The following GALK2 variants were observed in gnomAD, a reference collection of about 807,000 sequenced individuals.
GALK2 encodes the protein N-acetylgalactosamine kinase.
GALK2 carries 36 observed loss-of-function variants against 52.4 expected under a neutral mutation model. That is an observed-to-expected ratio of 0.69 (90% CI 0.53 to 0.91). GALK2 has a LOEUF of 0.91. Among genes scored for constraint, GALK2 ranks in the 40% least tolerant of loss-of-function variants. The pLI is 0.00. For missense variants in GALK2, 579 were observed against 559.1 expected (o/e 1.04, Z -0.36); for synonymous variants, 176 against 199.1 (o/e 0.88, Z 0.98).
intron 8 of GALK2, among the ~76,000 whole-genome samples, chr15:49,310,096 A>G (rs894201323): frequency 6.6e-6 from 1 of 152,040 alleles, no homozygotes; most frequent in Non-Finnish European, 1.5e-5. Context: ...CCATGAGCTC[A>G]GTTATTTTTA....
intron 7 of GALK2, among the ~76,000 whole-genome samples, chr15:49,285,337 C>CT (rs2033224640): frequency 6.6e-6 from 1 of 151,916 alleles, no homozygotes; most frequent in African/African-American, 2.4e-5. Context: ...GTTGCTATTT[C>CT]TTTTTAGTTT....
chr15:49,345,188 T>G (rs2041287282), intron 3 of GALK2, among the ~76,000 whole-genome samples: 1 of 152,242 alleles, frequency 6.6e-6, no homozygotes, highest in Non-Finnish European at 1.5e-5. Flanking sequence ...ACTTGTACAT[T>G]TATTATATAC....
intron 6 of GALK2, among the ~76,000 whole-genome samples, chr15:49,283,023 C>T (rs2032912969): frequency 6.6e-6 from 1 of 152,160 alleles, no homozygotes; most frequent in South Asian, 2.1e-4. Context: ...TCTATCCTAA[C>T]CTCTCACCAC....
intron 1 of GALK2, among the ~76,000 whole-genome samples, chr15:49,172,713 A>G (rs534306861): frequency 7.2e-5 from 11 of 152,330 alleles, no homozygotes; most frequent in South Asian, 4.1e-4. Context: ...TAAAAATCAA[A>G]TAGAAATTGA....
At chr15:49,338,692 G>A (rs2040198075) in intron 3 of GALK2, among the ~76,000 whole-genome samples, 1 of 152,160 alleles carries the variant, frequency 6.6e-6, no homozygotes, top group South Asian at 2.1e-4. Flanking sequence ...GGTTGGGGAA[G>A]TTCTCCTGGA....
At chr15:49,231,104 T>A (rs2090477526) in intron 3 of GALK2, among the ~76,000 whole-genome samples, 1 of 152,140 alleles carries the variant, frequency 6.6e-6, no homozygotes, top group Non-Finnish European at 1.5e-5. Flanking sequence ...TATAAAGAAA[T>A]ACCTGAGACT....
intron 1 of GALK2, among the ~76,000 whole-genome samples, chr15:49,181,315 C>T (rs372689861): frequency 8.6e-4 from 131 of 151,502 alleles, no homozygotes; most frequent in African/African-American, 3.0e-3. Flanking sequence ...TGCCTTGTTG[C>T]CCAGGCTGGT....
At chr15:49,196,324 T>C (rs1005542819) in intron 1 of GALK2, among the ~76,000 whole-genome samples, 9 of 152,280 alleles carry the variant, frequency 5.9e-5, no homozygotes, top group Admixed American at 5.9e-4. Flanking sequence ...AGTAGAGCTT[T>C]TAATGTTATC....
intron 3 of GALK2, among the ~76,000 whole-genome samples, chr15:49,341,223 C>T (rs2040683827): frequency 6.6e-6 from 1 of 151,958 alleles, no homozygotes; most frequent in African/African-American, 2.4e-5. Flanking sequence ...GTTCTTTTTG[C>T]TTAGGATTTT....
rs1347140534 is a variant in GALK2, at chr15:49,299,735, T to TTTCTTTCTTTCTTTCTTTCC, written c.967+7200_967+7201insCTTTCTTTCTTTCTTTCCTT. Among the ~76,000 whole-genome samples the TTTCTTTCTTTCTTTCTTTCC allele has an allele frequency of 1.7e-3, 128 of 77,574 alleles. 2 individuals carry two copies. The highest frequency in any genetic ancestry group is 7.1e-3 in the African/African-American group (128 of 18,056). 50.9% of individuals were successfully genotyped at this position (77,574 alleles called of 152,430 possible). Reference sequence around the variant, plus strand: ...CTTTCTTTCTTTCTTTCTTTCTTTCTTTTCTTTCTTTCTTTCTTTCTTTCT... The same window carrying TTTCTTTCTTTCTTTCTTTCC: ...CTTTCTTTCTTTCTTTCTTTCTTTCTTTCTTTCTTTCTTTCTTTCCTTTCTTTCTTTCTTTCTTTCTTTCT... On this transcript the variant is annotated intron_variant, in intron 8 of 9. Transcript: ENST00000560031.
downstream of GALK2, among the ~76,000 whole-genome samples, chr15:49,332,494 G>A (rs893663701): frequency 1.3e-5 from 2 of 152,178 alleles, no homozygotes; most frequent in African/African-American, 4.8e-5. Context: ...GACTTGAATG[G>A]TTGAAATCAG....
In GALK2 at chr15:49,184,561, G is replaced by A. The variant is rs1404872637; in HGVS notation, c.53+14186G>A. ...TGTAGTCTTCTCTTCCTTCCTTCCT[G>A]TCTTGCTGTTTGTGAAGGTGATTTT... On this transcript the variant is annotated intron_variant, in intron 1 of 9. Transcript: ENST00000560031. 4.6e-5 allele frequency among the ~76,000 whole-genome samples: 7 copies of A among 151,960 alleles called. No homozygotes were observed. The East Asian group carries it at 1.3e-3, about 29-fold the overall frequency.
intron 3 of GALK2, among the ~76,000 whole-genome samples, chr15:49,232,120 T>G (rs1219168427): frequency 6.6e-6 from 1 of 152,202 alleles, no homozygotes; most frequent in African/African-American, 2.4e-5. Context: ...GGGTTCTGCC[T>G]AGACATTTAG....
intron 3 of GALK2, among the ~76,000 whole-genome samples, chr15:49,341,512 T>C (rs1447154648): frequency 6.6e-6 from 1 of 152,120 alleles, no homozygotes; most frequent in Non-Finnish European, 1.5e-5. Flanking sequence ...TGTGCCACCA[T>C]GCCTAATTTT....
At chr15:49,179,095 T>C (rs2085755144) in intron 1 of GALK2, among the ~76,000 whole-genome samples, 3 of 152,194 alleles carry the variant, frequency 2.0e-5, no homozygotes, top group Non-Finnish European at 2.9e-5. Context: ...AGAAATTTAT[T>C]GTGATGAAAG....
downstream of GALK2, chr15:49,334,377 T>C (rs1015841198): frequency 1.7e-5 from 5 of 289,266 alleles, no homozygotes; most frequent in East Asian, 1.7e-4. Context: ...TTTACTGATA[T>C]ACACGTGTTA....
At chr15:49,264,216 G>A (rs921560349) in intron 5 of GALK2, among the ~76,000 whole-genome samples, 12 of 151,736 alleles carry the variant, frequency 7.9e-5, no homozygotes, top group Non-Finnish European at 7.4e-5. Context: ...CCAATCAGAC[G>A]TAGATTTGGT....
Position 49,329,405 on chromosome 15 carries a change from A to G in GALK2, c.*1246A>G. On this transcript the variant is annotated 3_prime_UTR_variant, in exon 10 of 10. Transcript: ENST00000560031. Reference sequence around the variant, plus strand: ...AGATAGCAATGGTTTTATGGCATGAATTATCCAAAAAAATATCAGAATTAC... The same window carrying G: ...AGATAGCAATGGTTTTATGGCATGAGTTATCCAAAAAAATATCAGAATTAC... 1.9e-5 allele frequency: 19 copies of G among 985,244 alleles called. No individual in the cohort carries two copies. Among genetic ancestry groups the G allele is most frequent in the Non-Finnish European group, 2.3e-5 (19 of 829,778 alleles). 61.0% of individuals were successfully genotyped at this position (985,244 alleles called of 1,614,324 possible).
intron 1 of GALK2, among the ~76,000 whole-genome samples, chr15:49,159,214 C>T (rs1228336593): frequency 6.6e-6 from 1 of 152,196 alleles, no homozygotes; most frequent in African/African-American, 2.4e-5. Flanking sequence ...GTTATACATT[C>T]AGAGTATTGC....
Sources: gnomAD v4.1 joint callset for allele counts (sites outside exome capture counted in the v4.1 genomes callset) on GRCh38, gnomAD v4.1.1 for gene constraint, MANE v1.5 for transcripts, NCBI Gene and HGNC (gene_info 2026-07-23, HGNC 2026-07-21) for gene names.